NUMB: variants seen among roughly 807,000 people sequenced by gnomAD.
NUMB encodes the protein protein numb homolog.
NUMB carries 29 observed loss-of-function variants against 59.7 expected under a neutral mutation model. The observed-to-expected ratio is 0.49, with a 90% CI of 0.36 to 0.66. The LOEUF (loss-of-function observed/expected upper bound fraction) is 0.66. Among genes scored for constraint, NUMB ranks in the 30% least tolerant of loss-of-function variants. The pLI, the probability that NUMB is intolerant of heterozygous loss-of-function variation, is 0.00. For missense variants in NUMB, 723 were observed against 822.0 expected, an observed-to-expected ratio of 0.88 and a Z score of 1.47; for synonymous variants, 288 against 288.2, an observed-to-expected ratio of 1.00 and a Z score of 0.01.
intron 2 of NUMB, among the ~76,000 whole-genome samples, chr14:73,367,322 C>CAT (rs1352545057): frequency 5.3e-4 from 49 of 92,374 alleles, no homozygotes; most frequent in Admixed American, 1.6e-3. Context: ...CACACACACA[C>CAT]ATATATACAT....
At chr14:73,331,519 G>C (rs1441219480) in intron 4 of NUMB, among the ~76,000 whole-genome samples, 1 of 152,128 alleles carries the variant, frequency 6.6e-6, no homozygotes, top group Non-Finnish European at 1.5e-5. Context: ...CTGCACTCCA[G>C]CCTGGGCAAC....
chr14:73,453,553 T>C (rs1399994267), intron 1 of NUMB, among the ~76,000 whole-genome samples: 6 of 152,178 alleles, frequency 3.9e-5, no homozygotes, highest in Non-Finnish European at 8.8e-5. Flanking sequence ...CCCTGTATTG[T>C]ATTTCTACCT....
chr14:73,389,098 TAAAAA>T (rs71112747), intron 2 of NUMB, among the ~76,000 whole-genome samples: 5 of 95,752 alleles, frequency 5.2e-5, no homozygotes, highest in African/African-American at 2.1e-4. Flanking sequence ...GACTCTGCCT[TAAAAA>T]AAAAAAAAAA....
intron 4 of NUMB, among the ~76,000 whole-genome samples, chr14:73,332,200 G>C (rs1368773372): frequency 1.3e-5 from 2 of 151,974 alleles, no homozygotes; most frequent in African/African-American, 4.8e-5. Context: ...TGTAAGTCCA[G>C]TGCCTTCAAA....
intron 8 of NUMB, among the ~76,000 whole-genome samples, chr14:73,288,329 G>A (rs139444749): frequency 0.019 from 2,890 of 152,190 alleles, 36 homozygotes; most frequent in Non-Finnish European, 0.032. Flanking sequence ...GAGATGGGTG[G>A]ATCATGAGGT....
chr14:73,369,762 A>C (rs1456618073), intron 2 of NUMB, among the ~76,000 whole-genome samples: 3 of 152,230 alleles, frequency 2.0e-5, no homozygotes, highest in Admixed American at 6.5e-5. Flanking sequence ...ATGTAGAAAG[A>C]AGCATACAAA....
chr14:73,453,101 G>A (rs956898094), intron 1 of NUMB, among the ~76,000 whole-genome samples: 4 of 151,486 alleles, frequency 2.6e-5, no homozygotes, highest in African/African-American at 4.9e-5. Flanking sequence ...TCAAGATTTC[G>A]AAGTGCACTT....
At chr14:73,311,178 C>T (rs1890757948) in intron 6 of NUMB, among the ~76,000 whole-genome samples, 1 of 152,102 alleles carries the variant, frequency 6.6e-6, no homozygotes, top group Non-Finnish European at 1.5e-5. Flanking sequence ...GCCTCAGCCT[C>T]CTGAGTAGCT....
intron 11 of NUMB, among the ~76,000 whole-genome samples, chr14:73,280,532 T>C (rs541104620): frequency 3.2e-4 from 48 of 152,130 alleles, no homozygotes; most frequent in African/African-American, 8.9e-4. Flanking sequence ...CTGCTAACCC[T>C]TGTTCCTTTT....
intron 4 of NUMB, among the ~76,000 whole-genome samples, chr14:73,342,071 A>T (rs1218575474): frequency 2.0e-5 from 3 of 152,180 alleles, no homozygotes; most frequent in African/African-American, 7.2e-5. Flanking sequence ...TAAAAAAAAA[A>T]TTTGTTTTAG....
At chr14:73,424,049 G>T (rs530059175) in intron 1 of NUMB, among the ~76,000 whole-genome samples, 2 of 149,620 alleles carry the variant, frequency 1.3e-5, no homozygotes, top group Admixed American at 6.7e-5. Context: ...TACTTGTACT[G>T]TTTGTACTGT....
chr14:73,279,156 A>C (rs1888427381), intron 12 of NUMB, 125 bp downstream of exon 12: 1 of 1,036,844 alleles, frequency 9.6e-7, no homozygotes. Context: ...ACTTATTTCT[A>C]GGAGGGAACA....
At chr14:73,338,952 T>C (rs1892491753) in intron 4 of NUMB, among the ~76,000 whole-genome samples, 2 of 152,234 alleles carry the variant, frequency 1.3e-5, no homozygotes, top group East Asian at 3.8e-4. Context: ...AAGAATTTTA[T>C]CAGGAGTTGT....
chr14:73,276,970 G>A lies in NUMB; in HGVS notation c.1564C>T (p.Pro522Ser), dbSNP rs1173892590. The change falls in exon 13 of 13, where the codon CCT becomes TCT. Residue 522 changes from proline to serine, a missense_variant. Physicochemically the swap from Pro to Ser is moderately conservative, Grantham distance 74 (BLOSUM62 -1). Transcript: ENST00000555238. ...PVANGMPYPA[P>S]NVPVVGITPS... Reference sequence around the variant, plus strand: ...GTGATGCCCACCACAGGCACATTAGGGGCTGGATAGGGCATTCCATTGGCC... The same window carrying A: ...GTGATGCCCACCACAGGCACATTAGAGGCTGGATAGGGCATTCCATTGGCC... 2 of 1,614,170 alleles carry A rather than the reference G, an allele frequency of 1.2e-6. No homozygotes were observed. The highest frequency in any genetic ancestry group is 1.1e-5 in the South Asian group (1 of 91,082).
At chr14:73,424,500 T>C (rs1897497128) in intron 1 of NUMB, among the ~76,000 whole-genome samples, 1 of 151,938 alleles carries the variant, frequency 6.6e-6, no homozygotes, top group Non-Finnish European at 1.5e-5. Context: ...CCATGATTCT[T>C]TCTTGATAAA....
intron 5 of NUMB, among the ~76,000 whole-genome samples, chr14:73,321,467 A>G (rs906214657): frequency 2.0e-5 from 3 of 152,156 alleles, no homozygotes; most frequent in African/African-American, 4.8e-5. Flanking sequence ...TCAAACTCCT[A>G]GACTCAAGCA....
chr14:73,282,856 A>G lies in NUMB; in HGVS notation c.950-351T>C, dbSNP rs79557096. On this transcript the variant is annotated intron_variant, in intron 10 of 12. Transcript: ENST00000555238. ...CAGATCTTTGTAGAAGACATTTGCA[A>G]CCTGTATGCCTTCCAACGTGTTCTC... is the stretch of plus-strand genomic sequence containing the variant. 4.6e-3 allele frequency among the ~76,000 whole-genome samples: 707 copies of G among 152,286 alleles called. 4 individuals are homozygous for G. Among genetic ancestry groups the G allele is most frequent in the African/African-American group, 0.016 (683 of 41,562 alleles).
chr14:73,456,484 T>C (rs1336263445), intron 1 of NUMB, among the ~76,000 whole-genome samples: 1 of 152,262 alleles, frequency 6.6e-6, no homozygotes, highest in Non-Finnish European at 1.5e-5. Flanking sequence ...ACACTTTACA[T>C]TGTGACCTAG....
At chr14:73,435,936 G>A (rs1898034634) in intron 1 of NUMB, among the ~76,000 whole-genome samples, 1 of 151,758 alleles carries the variant, frequency 6.6e-6, no homozygotes, top group Admixed American at 6.6e-5. Context: ...AATTGAAAAG[G>A]TGGAGGTTGC....
Sources: allele counts gnomAD v4.1 joint callset (sites outside exome capture counted in the v4.1 genomes callset), GRCh38; gene constraint gnomAD v4.1.1; transcripts MANE v1.5; gene names NCBI Gene and HGNC (gene_info 2026-07-23, HGNC 2026-07-21).